CSNK1G1: variants seen among roughly 807,000 people sequenced by gnomAD.
CSNK1G1 encodes the protein casein kinase 1 gamma 1, also known as casein kinase I isoform gamma-1.
In CSNK1G1, 22 loss-of-function variants were observed where a neutral mutation model predicts 59.6. The observed-to-expected ratio is 0.37, with a 90% CI of 0.26 to 0.53. The LOEUF is 0.53. Among genes scored for constraint, CSNK1G1 ranks in the 20% least tolerant of loss-of-function variants. The pLI, the probability that CSNK1G1 is intolerant of heterozygous loss-of-function variation, is 0.89. For synonymous variants in CSNK1G1, 179 were observed against 177.1 expected, an observed-to-expected ratio of 1.01 and a Z score of -0.08; for missense variants, 384 against 519.5, an observed-to-expected ratio of 0.74 and a Z score of 2.54.
At chr15:64,258,400 A>G (rs1455411327) in intron 3 of CSNK1G1, among the ~76,000 whole-genome samples, 2 of 151,538 alleles carry the variant, frequency 1.3e-5, no homozygotes, top group East Asian at 3.8e-4. Flanking sequence ...AAAAAAATAA[A>G]GAAAGAAAGA....
chr15:64,238,420 G>A (rs2140300859), intron 4 of CSNK1G1, among the ~76,000 whole-genome samples: 1 of 144,222 alleles, frequency 6.9e-6, no homozygotes, highest in East Asian at 2.1e-4. Flanking sequence ...TTGAGCCCAG[G>A]AGTTTGAGGC....
chr15:64,183,479 C>T (rs1184990152), intron 10 of CSNK1G1, among the ~76,000 whole-genome samples: 3 of 152,222 alleles, frequency 2.0e-5, no homozygotes, highest in Admixed American at 6.5e-5. Flanking sequence ...TGTCAAACTA[C>T]TGAACTGCAG....
intron 1 of CSNK1G1, among the ~76,000 whole-genome samples, chr15:64,351,162 T>C (rs962812169): frequency 2.0e-5 from 3 of 152,156 alleles, no homozygotes; most frequent in African/African-American, 4.8e-5. Context: ...AAAAGAAATA[T>C]GCTTTAAAAT....
At position 64,352,447 on chromosome 15, in the gene CSNK1G1, C is replaced by CTTTTTTTTTTTTTTTTTTTTTTTTT. The variant is rs1165768581; in HGVS notation, c.-225+3540_-225+3541insAAAAAAAAAAAAAAAAAAAAAAAAA. 7.8e-5 allele frequency among the ~76,000 whole-genome samples: 7 copies of CTTTTTTTTTTTTTTTTTTTTTTTTT among 89,428 alleles called. 1 individual carries two copies. The highest frequency in any genetic ancestry group is 2.6e-4 in the African/African-American group (6 of 22,738). 58.7% of individuals were successfully genotyped at this position (89,428 alleles called of 152,430 possible). A position where few individuals can be genotyped will look rare whatever the true frequency, so the allele number is the denominator to read the frequency against. On this transcript the variant is annotated intron_variant, in intron 1 of 11. Coordinates refer to ENST00000303052, the MANE Select transcript of CSNK1G1 (RefSeq NM_022048.5). ...ATCACAAAACATAATTTGAATTCTT[C>CTTTTTTTTTTTTTTTTTTTTTTTTT]TTTTTTTTTTTTTTTTTTTGAGATG... is the stretch of plus-strand genomic sequence containing the variant.
chr15:64,301,943 G>A (rs1895367391), intron 1 of CSNK1G1, among the ~76,000 whole-genome samples: 1 of 151,932 alleles, frequency 6.6e-6, no homozygotes, highest in Non-Finnish European at 1.5e-5. Flanking sequence ...AATGTCAAAT[G>A]TTTGGTTATT....
chr15:64,314,953 T>A (rs1317700956), intron 1 of CSNK1G1, among the ~76,000 whole-genome samples: 2 of 152,232 alleles, frequency 1.3e-5, no homozygotes, highest in East Asian at 3.8e-4. Flanking sequence ...AGCAGACATC[T>A]CTTCAACAAA....
intron 4 of CSNK1G1, among the ~76,000 whole-genome samples, chr15:64,243,508 C>A (rs934601280): frequency 6.6e-6 from 1 of 152,028 alleles, no homozygotes; most frequent in Non-Finnish European, 1.5e-5. Context: ...TGCCGTCTCT[C>A]ACCACTCTAA....
At chr15:64,335,268 GCTTTC>G (rs951705975) in intron 1 of CSNK1G1, among the ~76,000 whole-genome samples, 22 of 152,136 alleles carry the variant, frequency 1.4e-4, no homozygotes, top group African/African-American at 5.1e-4. Flanking sequence ...TGAGAAGATG[GCTTTC>G]CTTCCCTACT....
intron 3 of CSNK1G1, among the ~76,000 whole-genome samples, chr15:64,256,229 G>A (rs920919908): frequency 2.0e-5 from 3 of 152,214 alleles, no homozygotes; most frequent in African/African-American, 4.8e-5. Context: ...ATTCTTTCCA[G>A]AGAAATCGCT....
chr15:64,188,361 A>T lies in CSNK1G1; in HGVS notation c.1108-7907T>A. On this transcript the variant is annotated intron_variant, in intron 10 of 11. Transcript: ENST00000303052. The surrounding 1 kb of genome is among the most constrained non-coding windows in gnomAD (Gnocchi z 4.2). Reference sequence around the variant, plus strand: ...CTGGAAAGGCCAGGAAAAGGCAATAAAGGCAGTAAATACCTGCACTGATCC... The same window carrying T: ...CTGGAAAGGCCAGGAAAAGGCAATATAGGCAGTAAATACCTGCACTGATCC... The T allele has an allele frequency of 6.6e-7, 1 of 1,526,486 alleles. No individual in the cohort carries two copies. 94.6% of individuals were successfully genotyped at this position (1,526,486 alleles called of 1,614,324 possible). A position where few individuals can be genotyped will look rare whatever the true frequency, so the allele number is the denominator to read the frequency against.
At chr15:64,241,593 T>C (rs548973229) in intron 4 of CSNK1G1, among the ~76,000 whole-genome samples, 2 of 152,204 alleles carry the variant, frequency 1.3e-5, no homozygotes, top group African/African-American at 4.8e-5. Flanking sequence ...AAATAAATGG[T>C]ATAACAAATA....
chr15:64,343,542 A>G (rs1452374204), intron 1 of CSNK1G1, among the ~76,000 whole-genome samples: 1 of 152,122 alleles, frequency 6.6e-6, no homozygotes, highest in Non-Finnish European at 1.5e-5. Context: ...AGGAGCAGTC[A>G]GAGTTGAGAT....
At chr15:64,345,429 T>A (rs755613827) in intron 1 of CSNK1G1, among the ~76,000 whole-genome samples, 1 of 152,206 alleles carries the variant, frequency 6.6e-6, no homozygotes, top group Non-Finnish European at 1.5e-5. Flanking sequence ...ATCTGTATAG[T>A]TGAAACCCTT....
intron 2 of CSNK1G1, among the ~76,000 whole-genome samples, chr15:64,287,663 C>G (rs1202739675): frequency 6.6e-6 from 1 of 152,120 alleles, no homozygotes; most frequent in Non-Finnish European, 1.5e-5. Flanking sequence ...TACTGTTTAG[C>G]ATCAATGAGG....
intron 1 of CSNK1G1, among the ~76,000 whole-genome samples, chr15:64,351,833 T>C (rs1030960154): frequency 6.6e-6 from 1 of 152,108 alleles, no homozygotes; most frequent in Non-Finnish European, 1.5e-5. Context: ...AAGCTGAGCC[T>C]GGGCACTCCA....
At chr15:64,275,110 T>G (rs1893532870) in intron 2 of CSNK1G1, among the ~76,000 whole-genome samples, 1 of 152,166 alleles carries the variant, frequency 6.6e-6, no homozygotes, top group Non-Finnish European at 1.5e-5. Flanking sequence ...TGGCATGATC[T>G]TGGCTCACTG....
Position 64,171,897 on chromosome 15 carries a change from TCC to T in CSNK1G1, c.*32_*33del. 1 of 1,579,456 alleles carries T rather than the reference TCC, an allele frequency of 6.3e-7. No individual in the cohort carries two copies. The highest frequency in any genetic ancestry group is 8.7e-7 in the Non-Finnish European group (1 of 1,148,488). On this transcript the variant is annotated 3_prime_UTR_variant, in exon 12 of 12. Coordinates refer to ENST00000303052, the MANE Select transcript of CSNK1G1 (RefSeq NM_022048.5). The surrounding 1 kb of genome is among the most constrained non-coding windows in gnomAD (Gnocchi z 4.8). ...AGCTGCAGGTACAATTGAGTCAGAG[TCC>T]CCAGGGCCTGAGGACTCCTGGGAGG...
chr15:64,265,078 C>T (rs1892906868), intron 2 of CSNK1G1, among the ~76,000 whole-genome samples: 1 of 152,118 alleles, frequency 6.6e-6, no homozygotes, highest in Non-Finnish European at 1.5e-5. Context: ...TCAAACTGTT[C>T]CTGTTTGCAG....
intron 1 of CSNK1G1, among the ~76,000 whole-genome samples, chr15:64,329,898 T>C (rs1897031337): frequency 1.4e-5 from 2 of 141,194 alleles, no homozygotes; most frequent in Admixed American, 7.2e-5. Flanking sequence ...TACAAACACC[T>C]CTACACAAAT....
Sources: gnomAD v4.1 joint callset for allele counts (sites outside exome capture counted in the v4.1 genomes callset) on GRCh38, gnomAD v4.1.1 for gene constraint, Gnocchi (gnomAD v3.1) non-coding constraint, MANE v1.5 for transcripts, NCBI Gene and HGNC (gene_info 2026-07-23, HGNC 2026-07-21) for gene names.